The following ANO10 variants were observed in gnomAD, a reference collection of about 807,000 sequenced individuals.
ANO10 encodes anoctamin 10.
A neutral mutation model predicts 74.7 loss-of-function variants in ANO10; 77 were observed. The observed-to-expected ratio is 1.03, with a 90% CI of 0.86 to 1.25. The LOEUF is 1.25. ANO10 is among the 50% of genes most tolerant of loss of function. The probability of loss-of-function intolerance (pLI) is 0.00; values close to 1 mark genes in which losing one functional copy is unlikely to be tolerated. For missense variants in ANO10, 721 were observed against 778.1 expected (o/e 0.93, Z 0.87); for synonymous variants, 279 against 284.9 (o/e 0.98, Z 0.21).
At chr3:43,446,746 T>G (rs995977913) in intron 11 of ANO10, among the ~76,000 whole-genome samples, 1 of 152,190 alleles carries the variant, frequency 6.6e-6, no homozygotes, top group East Asian at 1.9e-4. Flanking sequence ...TGAATATTCA[T>G]AGGTAGATAA....
At chr3:43,579,120 G>C (rs920016912) in intron 5 of ANO10, among the ~76,000 whole-genome samples, 4 of 151,934 alleles carry the variant, frequency 2.6e-5, no homozygotes. Context: ...TAATGCAAAG[G>C]TGAAATCTAC....
intron 1 of ANO10, among the ~76,000 whole-genome samples, chr3:43,677,181 T>C (rs991025572): frequency 1.3e-5 from 2 of 152,218 alleles, no homozygotes; most frequent in Non-Finnish European, 2.9e-5. Context: ...ATCACGTCCC[T>C]TGCAGCAGCA....
intron 11 of ANO10, among the ~76,000 whole-genome samples, chr3:43,436,853 C>T (rs1406100591): frequency 6.6e-6 from 1 of 152,154 alleles, no homozygotes; most frequent in African/African-American, 2.4e-5. Flanking sequence ...GTCCCCAACC[C>T]TGTCTCTAAT....
At chr3:43,652,775 A>G (rs34412087) in intron 1 of ANO10, among the ~76,000 whole-genome samples, 2 of 151,828 alleles carry the variant, frequency 1.3e-5, no homozygotes, top group African/African-American at 2.4e-5. Context: ...CAAAATATAA[A>G]ACATAATTTA....
intron 1 of ANO10, among the ~76,000 whole-genome samples, chr3:43,678,190 A>G (rs2084147390): frequency 6.6e-6 from 1 of 152,208 alleles, no homozygotes; most frequent in African/African-American, 2.4e-5. Flanking sequence ...ATTTTATAAT[A>G]AAGTCTTAAA....
chr3:43,623,826 T>C (rs1018457137), upstream of ANO10, among the ~76,000 whole-genome samples: 1 of 152,232 alleles, frequency 6.6e-6, no homozygotes, highest in Non-Finnish European at 1.5e-5. Flanking sequence ...GTAGGTCCTG[T>C]GTGGTTATGT....
intron 12 of ANO10, among the ~76,000 whole-genome samples, chr3:43,387,395 T>TA (rs2092153348): frequency 6.6e-6 from 1 of 152,120 alleles, no homozygotes; most frequent in Non-Finnish European, 1.5e-5. Context: ...AGCCTCATCT[T>TA]GGGGTGCTGG....
intron 12 of ANO10, among the ~76,000 whole-genome samples, chr3:43,390,844 A>G (rs2092257416): frequency 6.6e-6 from 1 of 152,176 alleles, no homozygotes; most frequent in Admixed American, 6.6e-5. Flanking sequence ...TGTGTTCCTA[A>G]CCTTGCTGAT....
intron 11 of ANO10, among the ~76,000 whole-genome samples, chr3:43,492,388 T>C (rs1267407789): frequency 1.3e-5 from 2 of 152,168 alleles, no homozygotes; most frequent in Non-Finnish European, 2.9e-5. Flanking sequence ...GGGCAAAGAC[T>C]TCATGTGTAT....
chr3:43,483,760 A>C (rs184640012), intron 11 of ANO10, among the ~76,000 whole-genome samples: 4 of 152,306 alleles, frequency 2.6e-5, no homozygotes, highest in Admixed American at 2.0e-4. Flanking sequence ...GTAAATCAAT[A>C]CATGGAAGGT....
intron 9 of ANO10, among the ~76,000 whole-genome samples, chr3:43,558,905 C>T (rs1001691401): frequency 1.2e-4 from 19 of 152,162 alleles, no homozygotes; most frequent in African/African-American, 4.1e-4. Flanking sequence ...CAGAACCCTG[C>T]AGGTCCAAAA....
At chr3:43,556,072 T>C (rs1274173200) in intron 9 of ANO10, among the ~76,000 whole-genome samples, 1 of 152,190 alleles carries the variant, frequency 6.6e-6, no homozygotes, top group Non-Finnish European at 1.5e-5. Context: ...ACTTGGTTGG[T>C]TGCATTTGGC....
chr3:43,670,827 G>GC (rs1487222068), intron 1 of ANO10, among the ~76,000 whole-genome samples: 1 of 152,116 alleles, frequency 6.6e-6, no homozygotes, highest in Admixed American at 6.5e-5. Context: ...TCTTTCAACT[G>GC]CCCTACAACA....
At chr3:43,630,180 A>T (rs1428324001) in intron 1 of ANO10, among the ~76,000 whole-genome samples, 1 of 152,228 alleles carries the variant, frequency 6.6e-6, no homozygotes, top group African/African-American at 2.4e-5. Flanking sequence ...TAAGAACTGA[A>T]AAAATAAAAT....
upstream of ANO10, among the ~76,000 whole-genome samples, chr3:43,624,887 C>T (rs972926209): frequency 2.0e-5 from 3 of 152,216 alleles, no homozygotes; most frequent in East Asian, 5.8e-4. Context: ...GCAATGTTTT[C>T]TGACCTCAGT....
intron 11 of ANO10, among the ~76,000 whole-genome samples, chr3:43,525,515 A>C (rs1272415102): frequency 1.3e-5 from 2 of 152,158 alleles, no homozygotes; most frequent in East Asian, 3.8e-4. Context: ...AGGTGTGAGC[A>C]CCCAAGTATC....
chr3:43,535,719 A>G (rs185917233), intron 11 of ANO10, among the ~76,000 whole-genome samples: 1 of 152,326 alleles, frequency 6.6e-6, no homozygotes, highest in African/African-American at 2.4e-5. Context: ...ATGACAGTAA[A>G]TTTTAGTAAC....
Position 43,432,681 on chromosome 3 carries a change from T to C in ANO10, c.1844A>G (p.Asp615Gly). ...TTTCATCTGGATATGCCGTGGCTTA[T>C]CAGGTATGGCAAATGCAAGTATAAA... Reference protein sequence around the residue: ...LKFILAFAIPDKPRHIQMKLA... With the variant: ...LKFILAFAIPGKPRHIQMKLA... The change falls in exon 12 of 13, where the codon GAT (aspartate) becomes GGT (glycine). Residue 615 changes from aspartate to glycine, a missense_variant. By Grantham distance (94) the Asp-to-Gly change is moderately conservative. Coordinates refer to ENST00000292246, the MANE Select transcript of ANO10 (RefSeq NM_018075.5). 1 of 1,613,976 alleles carries C rather than the reference T, an allele frequency of 6.2e-7. No homozygotes were observed. The highest frequency in any genetic ancestry group is 2.2e-5 in the East Asian group (1 of 44,834).
intron 12 of ANO10, among the ~76,000 whole-genome samples, chr3:43,392,269 C>CT (rs112129404): frequency 8.4e-5 from 3 of 35,774 alleles, no homozygotes; most frequent in East Asian, 6.5e-3. Context: ...CACTTTTATT[C>CT]CCCAGTTCCC....
Sources: allele counts gnomAD v4.1 joint callset (sites outside exome capture counted in the v4.1 genomes callset), GRCh38; gene constraint gnomAD v4.1.1; transcripts MANE v1.5; gene names NCBI Gene and HGNC (gene_info 2026-07-23, HGNC 2026-07-21).